VBP1: variants seen among roughly 807,000 people sequenced by gnomAD.
VBP1 encodes the protein prefoldin subunit 3.
VBP1 carries 4 observed loss-of-function variants against 15.5 expected under a neutral mutation model. That is an observed-to-expected ratio of 0.26 (90% CI 0.13 to 0.59). The LOEUF (loss-of-function observed/expected upper bound fraction) is 0.59, where lower values mean the gene tolerates loss of function less well. Ranked by LOEUF, VBP1 falls within the 20% of genes least tolerant of loss-of-function variation. The probability of loss-of-function intolerance (pLI) is 0.90; values close to 1 mark genes in which losing one functional copy is unlikely to be tolerated. For synonymous variants in VBP1, 61 were observed against 52.1 expected, an observed-to-expected ratio of 1.17 and a Z score of -0.74; for missense variants, 108 against 139.6, an observed-to-expected ratio of 0.77 and a Z score of 1.14.
chrX:155,228,967 T>C (rs946139337), intron 4 of VBP1, among the ~76,000 whole-genome samples: 22 of 112,504 alleles, frequency 2.0e-4, no homozygotes, highest in African/African-American at 6.8e-4. Flanking sequence ...ATTTCAGTTT[T>C]AGATGATTTC....
chrX:155,224,131 C>T (rs1262200729), intron 2 of VBP1, among the ~76,000 whole-genome samples: 1 of 109,643 alleles, frequency 9.1e-6, no homozygotes. Flanking sequence ...GGCGGCCGGG[C>T]AGAGGGGCTC....
At chrX:155,209,457 G>A (rs782107854) in intron 2 of VBP1, among the ~76,000 whole-genome samples, 2 of 112,191 alleles carry the variant, frequency 1.8e-5, no homozygotes, top group South Asian at 7.4e-4. Flanking sequence ...CTCAAAGAAC[G>A]GAATAATTAA....
chrX:155,203,504 G>A (rs1557307775), intron 1 of VBP1, among the ~76,000 whole-genome samples: 3 of 106,104 alleles, frequency 2.8e-5, no homozygotes, highest in Non-Finnish European at 3.9e-5. Context: ...GTAAAGTATC[G>A]CAAGGACAAA....
rs1557309434 is a variant in VBP1, at chrX:155,220,180, A to C, written c.94-3A>C. ...TTGTAAAGTATTATTTTTGATATTA[A>C]AGGAAGATGTAGATTCCTTCATGAA... is the stretch of plus-strand genomic sequence containing the variant. On this transcript the variant is annotated splice_polypyrimidine_tract_variant and splice_region_variant and intron_variant, in intron 1 of 5. Transcript: ENST00000286428. 8.4e-7 allele frequency: 1 copy of C among 1,191,069 alleles called. No homozygotes were observed. Among genetic ancestry groups the C allele is most frequent in the Admixed American group, 2.4e-5 (1 of 42,541 alleles).
chrX:155,227,596 T>C (rs918808647), intron 3 of VBP1, among the ~76,000 whole-genome samples: 1 of 112,740 alleles, frequency 8.9e-6, no homozygotes, highest in African/African-American at 3.2e-5. Context: ...AAATGTCTTA[T>C]TCTGTGCTAG....
intron 1 of VBP1, among the ~76,000 whole-genome samples, chrX:155,200,423 T>G (rs1436259643): frequency 1.8e-5 from 2 of 110,514 alleles, no homozygotes; most frequent in African/African-American, 6.7e-5. Context: ...CAGACCACAG[T>G]GCAGTCAAAC....
chrX:155,236,328 C>T lies in VBP1; in HGVS notation c.484C>T (p.Leu162Phe). ...TKNLDSLEED[L>F]DFLRDQFTTT... ...GAATCTTGATTCCCTGGAGGAAGACCTTGACTTTCTTCGAGATCAATTTAC... is the reference window on the plus strand; with the variant it reads ...GAATCTTGATTCCCTGGAGGAAGACTTTGACTTTCTTCGAGATCAATTTAC... The change falls in exon 5 of 6, where the codon CTT becomes TTT. Residue 162 changes from leucine to phenylalanine, a missense_variant. Transcript: ENST00000286428. 8.3e-7 allele frequency: 1 copy of T among 1,209,160 alleles called. No homozygotes were observed.
chrX:155,218,627 A>G (rs1241721708), intron 1 of VBP1, among the ~76,000 whole-genome samples: 2 of 110,881 alleles, frequency 1.8e-5, no homozygotes, highest in African/African-American at 3.3e-5. Context: ...TTCAGATATC[A>G]TCTCCCTGTA....
At chrX:155,233,894 A>G (rs973632402) in intron 4 of VBP1, among the ~76,000 whole-genome samples, 1 of 110,802 alleles carries the variant, frequency 9.0e-6, no homozygotes, top group Non-Finnish European at 1.9e-5. Flanking sequence ...AATATTAAAT[A>G]TAAACAAAAA....
At chrX:155,199,669 G>A (rs1293111026) in intron 1 of VBP1, among the ~76,000 whole-genome samples, 3 of 111,738 alleles carry the variant, frequency 2.7e-5, no homozygotes, top group Non-Finnish European at 5.7e-5. Context: ...AAATTGTAAA[G>A]ACCATTGAGG....
intron 1 of VBP1, among the ~76,000 whole-genome samples, chrX:155,203,299 A>G (rs1284659545): frequency 9.0e-6 from 1 of 111,344 alleles, no homozygotes; most frequent in Non-Finnish European, 1.9e-5. Context: ...TGCTATAAAG[A>G]CACATGTACA....
rs1419402939 is a variant in VBP1, at chrX:155,223,319, G to A, written c.218+3012G>A. 4.7e-5 allele frequency among the ~76,000 whole-genome samples: 5 copies of A among 107,202 alleles called. No individual in the cohort carries two copies. In the East Asian group the frequency reaches 1.5e-3, roughly 31 times the overall value. The allele number at this position is 107,202 out of a possible 115,157, so 93.1% of individuals were successfully genotyped here. ...GGTAAACATGTGAACAAAGGTCTCT[G>A]GTTTTCCTAGGCAGAGGGCCCTGCC... On this transcript the variant is annotated intron_variant, in intron 2 of 5. Transcript: ENST00000286428.
rs1156941927 is a variant in VBP1, at chrX:155,209,959, C to T, written c.78+978C>T. Among the ~76,000 whole-genome samples the T allele has an allele frequency of 2.7e-5, 3 of 112,059 alleles. No individual in the cohort carries two copies. The East Asian group carries it at 8.4e-4, about 31-fold the overall frequency. ...TTCAGAAGTGAATAAAAAGATCTTTCAACAGGCTGAACTGAATCCTCCACA... is the reference window on the plus strand; with the variant it reads ...TTCAGAAGTGAATAAAAAGATCTTTTAACAGGCTGAACTGAATCCTCCACA... On this transcript the variant is annotated intron_variant, in intron 2 of 6. Coordinates refer to the VBP1 transcript ENST00000535916.
intron 1 of VBP1, among the ~76,000 whole-genome samples, chrX:155,207,337 A>G (rs1361778939): frequency 8.9e-6 from 1 of 111,751 alleles, no homozygotes. Context: ...GGACTGAAGG[A>G]GGTATATTCA....
chrX:155,203,475 T>C (rs1361520331), intron 1 of VBP1, among the ~76,000 whole-genome samples: 1 of 108,722 alleles, frequency 9.2e-6, no homozygotes, highest in Non-Finnish European at 1.9e-5. Context: ...ATGGATGAAA[T>C]TGGAAATCAT....
At chrX:155,204,400 G>A (rs2074619350) in intron 1 of VBP1, among the ~76,000 whole-genome samples, 2 of 111,447 alleles carry the variant, frequency 1.8e-5, no homozygotes, top group Admixed American at 1.9e-4. Flanking sequence ...TGATCCGCCC[G>A]CCTTGGCCTC....
At chrX:155,197,712 C>T (rs1383233667) in intron 1 of VBP1, among the ~76,000 whole-genome samples, 1 of 112,042 alleles carries the variant, frequency 8.9e-6, no homozygotes, top group Non-Finnish European at 1.9e-5. Context: ...GCATTTCCAT[C>T]TGAGGTACCG....
At chrX:155,214,736 G>A (rs2074655964), upstream of VBP1, among the ~76,000 whole-genome samples, 1 of 77,089 alleles carries the variant, frequency 1.3e-5, no homozygotes, top group Non-Finnish European at 2.4e-5. Context: ...ATTTGGATCT[G>A]GCAAGAGGAA....
chrX:155,217,955 G>A (rs1269623227), intron 1 of VBP1, among the ~76,000 whole-genome samples: 1 of 111,265 alleles, frequency 9.0e-6, no homozygotes, highest in African/African-American at 3.3e-5. Flanking sequence ...ACTTCTCCTG[G>A]TCATAGCATA....
Sources: gnomAD v4.1 joint callset for allele counts (sites outside exome capture counted in the v4.1 genomes callset) on GRCh38, gnomAD v4.1.1 for gene constraint, MANE v1.5 for transcripts, NCBI Gene and HGNC (gene_info 2026-07-23, HGNC 2026-07-21) for gene names.